The following TTLL12 variants were observed in gnomAD, a reference collection of about 807,000 sequenced individuals.
TTLL12 encodes the protein tubulin--tyrosine ligase-like protein 12.
In TTLL12, 77 loss-of-function variants were observed where a neutral mutation model predicts 79.6. The observed-to-expected ratio is 0.97, with a 90% CI of 0.81 to 1.17. The LOEUF (loss-of-function observed/expected upper bound fraction) is 1.17, where lower values mean the gene tolerates loss of function less well. TTLL12 is among the 50% of genes most tolerant of loss of function. TTLL12 has a pLI of 0.00. For synonymous variants in TTLL12, 437 were observed against 376.1 expected (o/e 1.16, Z -1.87); for missense variants, 969 against 895.9 (o/e 1.08, Z -1.04).
At position 43,187,049 on chromosome 22, in the gene TTLL12, G is replaced by C. The variant is rs1448359955; in HGVS notation, c.21C>G (p.Pro7=). The C allele has an allele frequency of 4.2e-5, 50 of 1,191,660 alleles. No homozygotes were observed. The highest frequency in any genetic ancestry group is 4.0e-4 in the East Asian group (11 of 27,636). 73.8% of individuals were successfully genotyped at this position (1,191,660 alleles called of 1,614,324 possible). A position where few individuals can be genotyped will look rare whatever the true frequency, so the allele number is the denominator to read the frequency against. MEAERG[P]ERRPAERSSP... ...TGCTACGCTCCGCAGGCCGGCGCTC[G>C]GGACCCCGCTCGGCCTCCATGGCGC... The change falls in exon 1 of 14, where the codon CCC becomes CCG. Residue 7 remains proline (P), a synonymous_variant. Transcript: ENST00000216129.
chr22:43,169,024 C>CG, intron 12 of TTLL12, 112 bp from the exon 13 acceptor site: 2 of 1,371,458 alleles, frequency 1.5e-6, no homozygotes, highest in South Asian at 2.9e-5. Context: ...CACCCCCTCC[C>CG]ACATCTTCAC....
chr22:43,174,631 G>A lies in TTLL12; in HGVS notation c.918-16C>T, dbSNP rs775309309. On this transcript the variant is annotated splice_polypyrimidine_tract_variant and intron_variant, in intron 6 of 13. Coordinates refer to ENST00000216129, the MANE Select transcript of TTLL12 (RefSeq NM_015140.4). ...CGTGTAGACCCTGTGGGGAGAGCCC[G>A]AGCTGGGTGATCCCGGCTCCCAAGT... The A allele has an allele frequency of 2.2e-5, 34 of 1,573,630 alleles. No individual in the cohort carries two copies. The highest frequency in any genetic ancestry group is 1.7e-4 in the Middle Eastern group (1 of 5,954).
At chr22:43,185,301 GT>G (rs1932157012) in intron 1 of TTLL12, among the ~76,000 whole-genome samples, 1 of 113,928 alleles carries the variant, frequency 8.8e-6, no homozygotes, top group Non-Finnish European at 1.7e-5. Context: ...ATATATATAT[GT>G]ATGTATCTTC....
intron 5 of TTLL12, among the ~76,000 whole-genome samples, chr22:43,178,342 G>C (rs1212164814): frequency 2.9e-5 from 4 of 136,382 alleles, no homozygotes; most frequent in Non-Finnish European, 4.6e-5. Context: ...TTTTTTTTGA[G>C]ACGGAGTCTC....
At chr22:43,185,541 C>T (rs1171056942) in intron 1 of TTLL12, among the ~76,000 whole-genome samples, 2 of 152,098 alleles carry the variant, frequency 1.3e-5, no homozygotes, top group Non-Finnish European at 2.9e-5. Flanking sequence ...CACGGAAAAA[C>T]ACTGGCTGCC....
In TTLL12 at chr22:43,168,818, A is replaced by G. The variant is rs1280664611; in HGVS notation, c.1739T>C (p.Met580Thr). 2 of 1,587,534 alleles carry G rather than the reference A, an allele frequency of 1.3e-6. No individual in the cohort carries two copies. The highest frequency in any genetic ancestry group is 1.7e-6 in the Non-Finnish European group (2 of 1,167,534). Residue 580 changes from methionine to threonine, a missense_variant, in exon 13 of 14, where the codon ATG becomes ACG. Transcript: ENST00000216129. The stretch of plus-strand genomic sequence containing the variant: ...CTTCAGCATGAGGTCGACGGCATAC[A>G]TGGCCCGGGATGAGGGGTAGTCGCA... ...GLCDYPSSRA[M>T]YAVDLMLKWD...
chr22:43,181,278 T>C (rs1273174446), intron 2 of TTLL12, among the ~76,000 whole-genome samples: 3 of 152,174 alleles, frequency 2.0e-5, no homozygotes, highest in Non-Finnish European at 2.9e-5. Context: ...GCACTTGTAA[T>C]AAACACACCA....
At position 43,166,841 on chromosome 22, in the gene TTLL12, G is replaced by C. The variant is rs1216872609; in HGVS notation, c.*1167C>G. On this transcript the variant is annotated 3_prime_UTR_variant, in exon 14 of 14. Coordinates refer to ENST00000216129, the MANE Select transcript of TTLL12 (RefSeq NM_015140.4). ...ATCATCAGGTGCAGCTTTGCTACAAGAAAGATAGTTCTTAATTTCAAAGAG... is the reference window on the plus strand; with the variant it reads ...ATCATCAGGTGCAGCTTTGCTACAACAAAGATAGTTCTTAATTTCAAAGAG... The C allele has an allele frequency of 5.4e-6, 1 of 186,378 alleles. No individual in the cohort carries two copies. Among genetic ancestry groups the C allele is most frequent in the Non-Finnish European group, 1.1e-5 (1 of 88,358 alleles). The allele number at this position is 186,378 out of a possible 1,614,324, so 11.5% of individuals were successfully genotyped here. A position where few individuals can be genotyped will look rare whatever the true frequency, so the allele number is the denominator to read the frequency against.
chr22:43,168,297 G>T, intron 13 of TTLL12, 138 bp from the exon 14 acceptor site: 1 of 1,275,890 alleles, frequency 7.8e-7, no homozygotes, highest in Non-Finnish European at 1.1e-6. Context: ...GACAAGGCCG[G>T]GCCTAGAACT....
chr22:43,181,274 G>A (rs1366599547), intron 2 of TTLL12, among the ~76,000 whole-genome samples: 4 of 152,366 alleles, frequency 2.6e-5, no homozygotes, highest in African/African-American at 9.6e-5. Flanking sequence ...CCAAGCACTT[G>A]TAATAAACAC....
chr22:43,182,105 C>T (rs756121299), intron 2 of TTLL12, among the ~76,000 whole-genome samples: 1 of 149,972 alleles, frequency 6.7e-6, no homozygotes, highest in Non-Finnish European at 1.5e-5. Flanking sequence ...CTAGCCTCCC[C>T]ACCACCCAAA....
chr22:43,186,986 CA>C lies in TTLL12; in HGVS notation c.83del (p.Leu28TrpfsTer48). ...GQTPEEGAQA[L>X]AEFAALHGPA... ...GGCCGTGCAGCGCCGCGAACTCGGC[CA>C]AGGCCTGCGCGCCCTCCTCCGGCGT... On this transcript the variant is annotated frameshift_variant, in exon 1 of 14. Coordinates refer to ENST00000216129, the MANE Select transcript of TTLL12 (RefSeq NM_015140.4). LOFTEE classifies it high-confidence loss of function. 1 of 1,293,064 alleles carries C rather than the reference CA, an allele frequency of 7.7e-7. No individual in the cohort carries two copies. The highest frequency in any genetic ancestry group is 9.8e-7 in the Non-Finnish European group (1 of 1,017,744). 80.1% of individuals were successfully genotyped at this position (1,293,064 alleles called of 1,614,324 possible).
At chr22:43,185,772 C>A (rs1192772527) in intron 1 of TTLL12, among the ~76,000 whole-genome samples, 1 of 152,246 alleles carries the variant, frequency 6.6e-6, no homozygotes, top group African/African-American at 2.4e-5. Context: ...GCTGGCTGGG[C>A]AGGAGCTGGT....
At chr22:43,175,711 C>G (rs1366604521) in intron 6 of TTLL12, 1 of 152,042 alleles carries the variant, frequency 6.6e-6, no homozygotes, top group African/African-American at 2.4e-5. Context: ...CTCTGTAGCC[C>G]AGGCTGGAGT....
intron 2 of TTLL12, among the ~76,000 whole-genome samples, chr22:43,182,065 C>T (rs1378410894): frequency 7.5e-6 from 1 of 133,324 alleles, no homozygotes; most frequent in African/African-American, 2.6e-5. Flanking sequence ...GAAACAAACA[C>T]TCAGGCTCCA....
chr22:43,177,406 T>C (rs1411089162), intron 5 of TTLL12, among the ~76,000 whole-genome samples: 2 of 152,066 alleles, frequency 1.3e-5, no homozygotes, highest in Non-Finnish European at 2.9e-5. Context: ...AAAACATGCC[T>C]ACAAACTCTT....
In TTLL12 at chr22:43,173,782, C is replaced by CGCGCCAGGTTCCA; in HGVS notation, c.1261_1273dup (p.Arg425LeufsTer69). 1.2e-6 allele frequency: 2 copies of CGCGCCAGGTTCCA among 1,604,882 alleles called. No homozygotes were observed. The highest frequency in any genetic ancestry group is 1.7e-6 in the Non-Finnish European group (2 of 1,179,928). On this transcript the variant is annotated frameshift_variant, in exon 9 of 14. Transcript: ENST00000216129. LOFTEE classifies it high-confidence loss of function. ...CTTGGTGACGTGGGTGTCCAGGCTG[C>CGCGCCAGGTTCCA]GCGCCAGGTTCCAGGGCTTGCAGAT...
intron 1 of TTLL12, 151 bp from the exon 2 acceptor site, chr22:43,183,300 A>G (rs1932105024): frequency 1.1e-6 from 1 of 928,876 alleles, no homozygotes; most frequent in Non-Finnish European, 1.6e-6. Flanking sequence ...TAATGCAACC[A>G]CACAGTCTTA....
At chr22:43,177,616 C>T (rs1322223703) in intron 5 of TTLL12, among the ~76,000 whole-genome samples, 2 of 152,208 alleles carry the variant, frequency 1.3e-5, no homozygotes, top group African/African-American at 4.8e-5. Flanking sequence ...CCTGAGGACA[C>T]CTGAGCACTC....
Sources: gnomAD v4.1 joint callset for allele counts (sites outside exome capture counted in the v4.1 genomes callset) on GRCh38, gnomAD v4.1.1 for gene constraint, MANE v1.5 for transcripts, NCBI Gene and HGNC (gene_info 2026-07-23, HGNC 2026-07-21) for gene names.